Variants in PRTG observed in about 807,000 individuals in gnomAD.
PRTG encodes the protein immunoglobulin superfamily, DCC subclass, member 5.
A neutral mutation model predicts 122.5 loss-of-function variants in PRTG; 67 were observed. The ratio of observed to expected loss-of-function variants is 0.55; its 90% CI spans 0.45 to 0.67. The LOEUF (loss-of-function observed/expected upper bound fraction) is 0.67. Ranked by LOEUF, PRTG falls within the 30% of genes least tolerant of loss-of-function variation. The pLI, the probability that PRTG is intolerant of heterozygous loss-of-function variation, is 0.00. For missense variants in PRTG, 1,435 were observed against 1,415.4 expected (o/e 1.01, Z -0.22); for synonymous variants, 554 against 501.1 (o/e 1.11, Z -1.41).
chr15:55,648,685 T>A (rs1344385764), intron 11 of PRTG, among the ~76,000 whole-genome samples: 1 of 152,212 alleles, frequency 6.6e-6, no homozygotes, highest in African/African-American at 2.4e-5. Flanking sequence ...CAGTTATGCA[T>A]GAACTATGGC....
intron 2 of PRTG, among the ~76,000 whole-genome samples, chr15:55,729,877 C>T (rs535916672): frequency 2.6e-5 from 4 of 152,110 alleles, no homozygotes; most frequent in East Asian, 3.9e-4. Context: ...TGCCAAACCC[C>T]TAAAAGGACT....
At chr15:55,740,726 G>A (rs777834593) in intron 1 of PRTG, 42 bp from the exon 2 acceptor site, 3 of 1,518,528 alleles carry the variant, frequency 2.0e-6, no homozygotes, top group Non-Finnish European at 2.7e-6. Context: ...CAGAATTACA[G>A]GCATAAAATG....
intron 11 of PRTG, among the ~76,000 whole-genome samples, chr15:55,666,075 T>C (rs1342107636): frequency 6.6e-6 from 1 of 152,214 alleles, no homozygotes; most frequent in African/African-American, 2.4e-5. Flanking sequence ...AGGGCTGTCA[T>C]AACAAAATGC....
chr15:55,636,165 GA>G (rs923937638), intron 15 of PRTG, among the ~76,000 whole-genome samples: 8 of 151,210 alleles, frequency 5.3e-5, no homozygotes, highest in Non-Finnish European at 1.2e-4. Flanking sequence ...TATGCAGTAA[GA>G]AACCTAAAAA....
chr15:55,690,495 G>A (rs1234238835), intron 2 of PRTG, among the ~76,000 whole-genome samples: 5 of 152,120 alleles, frequency 3.3e-5, no homozygotes, highest in Non-Finnish European at 7.4e-5. Context: ...GCTGAGCATT[G>A]CAAAAGTACA....
intron 11 of PRTG, among the ~76,000 whole-genome samples, chr15:55,659,829 G>T (rs908353927): frequency 6.6e-6 from 1 of 151,990 alleles, no homozygotes; most frequent in African/African-American, 2.4e-5. Context: ...TGAGGCAGGA[G>T]AATCACTTGA....
chr15:55,642,589 C>T (rs1406030414), intron 11 of PRTG, among the ~76,000 whole-genome samples: 1 of 114,652 alleles, frequency 8.7e-6, no homozygotes, highest in African/African-American at 3.2e-5. Flanking sequence ...CAGAGCAAAA[C>T]TCCATCTCAA....
chr15:55,629,438 A>AGTGTGTGTGTG (rs2059215378), intron 15 of PRTG, among the ~76,000 whole-genome samples: 1 of 98,956 alleles, frequency 1.0e-5, no homozygotes, highest in Admixed American at 1.1e-4. Context: ...TGTGTGTGTA[A>AGTGTGTGTGTG]TGTTTTACTC....
At chr15:55,620,366 A>C in intron 19 of PRTG, 100 bp from the exon 20 acceptor site, 5 of 1,528,460 alleles carry the variant, frequency 3.3e-6, no homozygotes, top group Non-Finnish European at 4.4e-6. Flanking sequence ...GCACATCAGA[A>C]TTACCCGTGG....
At position 55,710,266 on chromosome 15, in the gene PRTG, T is replaced by C. The variant is rs781764157; in HGVS notation, c.398-26335A>G. Reference sequence around the variant, plus strand: ...AAGCCCTATTGAAAATCACAAATATTTTCATCAGTTTCTTCATCCTCAAAT... The same window carrying C: ...AAGCCCTATTGAAAATCACAAATATCTTCATCAGTTTCTTCATCCTCAAAT... On this transcript the variant is annotated intron_variant, in intron 2 of 19. Coordinates refer to ENST00000389286, the MANE Select transcript of PRTG (RefSeq NM_173814.6). Among the ~76,000 whole-genome samples, 7 of 152,336 alleles carry C rather than the reference T, an allele frequency of 4.6e-5. No homozygotes were observed. The East Asian group carries it at 1.3e-3, about 29-fold the overall frequency.
At chr15:55,657,225 T>C (rs537441071) in intron 11 of PRTG, among the ~76,000 whole-genome samples, 1 of 152,168 alleles carries the variant, frequency 6.6e-6, no homozygotes, top group Non-Finnish European at 1.5e-5. Flanking sequence ...CTTCTTAAGG[T>C]TTTTGGAGGC....
At chr15:55,731,804 C>T (rs1262457007) in intron 2 of PRTG, among the ~76,000 whole-genome samples, 1 of 152,212 alleles carries the variant, frequency 6.6e-6, no homozygotes, top group African/African-American at 2.4e-5. Context: ...AGTCAACAAA[C>T]ACTGGAATAT....
intron 8 of PRTG, among the ~76,000 whole-genome samples, chr15:55,676,015 A>C (rs1423532330): frequency 6.6e-6 from 1 of 152,186 alleles, no homozygotes; most frequent in East Asian, 1.9e-4. Flanking sequence ...TGTAATTCAT[A>C]ACAGTGTAAA....
intron 2 of PRTG, among the ~76,000 whole-genome samples, chr15:55,709,642 T>C (rs1157785629): frequency 6.6e-6 from 1 of 152,068 alleles, no homozygotes; most frequent in African/African-American, 2.4e-5. Flanking sequence ...CTAATGTAAA[T>C]TAACAAGTGA....
At chr15:55,653,686 A>G (rs1018643227) in intron 11 of PRTG, among the ~76,000 whole-genome samples, 1 of 151,984 alleles carries the variant, frequency 6.6e-6, no homozygotes, top group African/African-American at 2.4e-5. Context: ...CTGGTCTCGA[A>G]CTCCTGACCT....
chr15:55,644,200 G>T (rs1433840713), intron 11 of PRTG, among the ~76,000 whole-genome samples: 1 of 152,180 alleles, frequency 6.6e-6, no homozygotes, highest in Non-Finnish European at 1.5e-5. Flanking sequence ...AAAGCCTCCA[G>T]AATATAAAGG....
intron 11 of PRTG, among the ~76,000 whole-genome samples, chr15:55,654,024 T>C (rs939961477): frequency 6.6e-6 from 1 of 152,268 alleles, no homozygotes; most frequent in African/African-American, 2.4e-5. Context: ...ACCTGAACTT[T>C]GCTATAAGTG....
At chr15:55,708,660 G>A (rs531001121) in intron 2 of PRTG, among the ~76,000 whole-genome samples, 2 of 152,188 alleles carry the variant, frequency 1.3e-5, no homozygotes, top group South Asian at 4.1e-4. Flanking sequence ...AATCACTGCT[G>A]TACTAATCAT....
chr15:55,739,312 C>G (rs745916497), intron 2 of PRTG, among the ~76,000 whole-genome samples: 1 of 149,134 alleles, frequency 6.7e-6, no homozygotes, highest in Non-Finnish European at 1.5e-5. Context: ...ATTTCCCAGG[C>G]TGGACTCAAA....
Sources: allele counts gnomAD v4.1 joint callset (sites outside exome capture counted in the v4.1 genomes callset), GRCh38; gene constraint gnomAD v4.1.1; transcripts MANE v1.5; gene names NCBI Gene and HGNC (gene_info 2026-07-23, HGNC 2026-07-21).